The following SYNPO variants were observed in gnomAD, a reference collection of about 807,000 sequenced individuals.
SYNPO encodes synaptopodin.
A neutral mutation model predicts 49.5 loss-of-function variants in SYNPO; 19 were observed. That is an observed-to-expected ratio of 0.38 (90% CI 0.27 to 0.56). The LOEUF (loss-of-function observed/expected upper bound fraction) is 0.56, where lower values mean the gene tolerates loss of function less well. SYNPO is among the 20% of genes least tolerant of loss of function. SYNPO has a pLI of 0.68. For missense variants in SYNPO, 1,131 were observed against 1,248.3 expected (o/e 0.91, Z 1.42); for synonymous variants, 536 against 548.0 (o/e 0.98, Z 0.31).
chr5:150,592,971 C>T, the SYNPO span, among the ~76,000 whole-genome samples: 1 of 152,210 alleles, frequency 6.6e-6, no homozygotes, highest in African/African-American at 2.4e-5. Flanking sequence ...GAAGCTCTTC[C>T]TTAGGCTGAA....
chr5:150,647,207 C>A (rs191802001), intron 1 of SYNPO, among the ~76,000 whole-genome samples: 1 of 150,606 alleles, frequency 6.6e-6, no homozygotes, highest in East Asian at 1.9e-4. Flanking sequence ...TGCGCCGCTG[C>A]GCTCTAGCCT....
intron 2 of SYNPO, among the ~76,000 whole-genome samples, chr5:150,626,985 C>T (rs1407026011): frequency 2.0e-5 from 3 of 152,200 alleles, no homozygotes; most frequent in Non-Finnish European, 4.4e-5. Flanking sequence ...TTCCTGAGCC[C>T]ACGTCACAGC....
intron 2 of SYNPO, among the ~76,000 whole-genome samples, chr5:150,627,240 G>C (rs1440897283): frequency 6.6e-6 from 1 of 152,232 alleles, no homozygotes; most frequent in Non-Finnish European, 1.5e-5. Context: ...GTACAGGGGG[G>C]TGCTACTGGT....
At chr5:150,642,366 G>A (rs1006186711) in intron 1 of SYNPO, among the ~76,000 whole-genome samples, 2 of 152,200 alleles carry the variant, frequency 1.3e-5, no homozygotes, top group Non-Finnish European at 2.9e-5. Flanking sequence ...GTCCAGGGTG[G>A]GTCTTTAAAG....
Position 150,650,217 on chromosome 5 carries a change from G to C in SYNPO, c.1942G>C (p.Val648Leu), listed in dbSNP as rs758659255. 4.3e-6 allele frequency: 7 copies of C among 1,613,694 alleles called. No homozygotes were observed. The highest frequency in any genetic ancestry group is 4.2e-6 in the Non-Finnish European group (5 of 1,179,982). The change falls in exon 2 of 3, where the codon GTG becomes CTG. Residue 648 changes from valine to leucine, a missense_variant. Around this residue, in one of 4 missense-constraint regions of SYNPO, gnomAD observed 509 missense variants for 484.5 expected, o/e 1.05. Transcript: ENST00000307662. ...SPPYGGDISP[V>L]SPSRAWSPRA... ...TCCTTACGGCGGTGACATCTCCCCC[G>C]TGTCTCCCTCCAGGGCGTGGTCTCC... is the stretch of plus-strand genomic sequence containing the variant.
chr5:150,651,004 C>G (rs1033776700), intron 2 of SYNPO: 3 of 1,235,634 alleles, frequency 2.4e-6, no homozygotes, highest in African/African-American at 3.1e-5. Flanking sequence ...CTTCCTGCCC[C>G]CTCTGAGGCC....
chr5:150,602,024 G>A (rs896294228), intron 1 of SYNPO, among the ~76,000 whole-genome samples: 1 of 152,242 alleles, frequency 6.6e-6, no homozygotes, highest in Admixed American at 6.5e-5. Context: ...GTGAGGGACA[G>A]CTTCCTTATG....
chr5:150,650,873 C>T, intron 2 of SYNPO: 1 of 1,259,470 alleles, frequency 7.9e-7, no homozygotes, highest in Non-Finnish European at 1.0e-6. Context: ...CTGCCTCTGC[C>T]TTCTGGACAC....
At chr5:150,624,660 G>A (rs1757288093) in intron 2 of SYNPO, 1 of 190,168 alleles carries the variant, frequency 5.3e-6, no homozygotes, top group Non-Finnish European at 9.7e-6. Context: ...CCGGGGAGCA[G>A]GCAGCAGGAG....
the SYNPO span, among the ~76,000 whole-genome samples, chr5:150,595,267 G>C: frequency 1.3e-5 from 2 of 152,232 alleles, no homozygotes; most frequent in Non-Finnish European, 2.9e-5. Flanking sequence ...GAAGAGGTTG[G>C]AAAAGTTCAA....
upstream of SYNPO, among the ~76,000 whole-genome samples, chr5:150,597,279 G>A (rs142612854): frequency 3.7e-3 from 564 of 152,366 alleles, 2 homozygotes; most frequent in Non-Finnish European, 5.5e-3. Context: ...CTGGGACATA[G>A]TGTGCTGTGC....
intron 1 of SYNPO, among the ~76,000 whole-genome samples, chr5:150,608,750 C>G (rs1756762515): frequency 2.0e-5 from 3 of 152,118 alleles, no homozygotes; most frequent in South Asian, 2.1e-4. Context: ...GTCCTACCCC[C>G]AGAAGCTGTG....
chr5:150,625,376 C>T (rs1197963003), intron 2 of SYNPO, among the ~76,000 whole-genome samples: 2 of 152,142 alleles, frequency 1.3e-5, no homozygotes, highest in Non-Finnish European at 2.9e-5. Context: ...GCAGCGGGAA[C>T]GGCCAGTGCT....
intron 1 of SYNPO, among the ~76,000 whole-genome samples, chr5:150,602,528 C>T (rs1756571540): frequency 6.6e-6 from 1 of 152,122 alleles, no homozygotes; most frequent in South Asian, 2.1e-4. Context: ...GAATAAAAGC[C>T]GGGGATCAGG....
chr5:150,631,062 G>A (rs924597732), intron 2 of SYNPO, among the ~76,000 whole-genome samples: 1 of 152,168 alleles, frequency 6.6e-6, no homozygotes. Context: ...GTACAACTCC[G>A]GGTGAGTGAG....
intron 2 of SYNPO, chr5:150,618,807 C>T: frequency 6.5e-7 from 1 of 1,550,026 alleles, no homozygotes; most frequent in East Asian, 2.4e-5. Flanking sequence ...ACCAGAGTCA[C>T]TGGAGACCCC....
At position 150,656,803 on chromosome 5, in the gene SYNPO, C is replaced by G. The variant is rs779532598; in HGVS notation, c.2428C>G (p.Pro810Ala). 9 of 1,463,756 alleles carry G rather than the reference C, an allele frequency of 6.1e-6. No homozygotes were observed. Among genetic ancestry groups the G allele is most frequent in the Non-Finnish European group, 8.1e-6 (9 of 1,111,792 alleles). 90.7% of individuals were successfully genotyped at this position (1,463,756 alleles called of 1,614,324 possible). A position where few individuals can be genotyped will look rare whatever the true frequency, so the allele number is the denominator to read the frequency against. Residue 810 changes from proline (P) to alanine (A), a missense_variant, in exon 3 of 3, where the codon CCC becomes GCC. Pro to Ala is a conservative substitution (Grantham distance 27, BLOSUM62 -1). Around this residue, in one of 4 missense-constraint regions of SYNPO, gnomAD observed 509 missense variants for 484.5 expected, o/e 1.05. Transcript: ENST00000307662. Reference protein sequence around the residue: ...PRMRSPQPARPGSAAVPGAAF... With the variant: ...PRMRSPQPARAGSAAVPGAAF... Reference sequence around the variant, plus strand: ...CATGCGCTCGCCACAGCCCGCCCGCCCCGGCTCGGCTGCTGTGCCGGGGGC... The same window carrying G: ...CATGCGCTCGCCACAGCCCGCCCGCGCCGGCTCGGCTGCTGTGCCGGGGGC...
rs34838671 is a variant in SYNPO at position 150,649,584 on chromosome 5, C to T, written c.1309C>T (p.Arg437Cys). 1,328 of 1,610,154 alleles carry T rather than the reference C, an allele frequency of 8.2e-4. 1 individual carries two copies. The highest frequency in any genetic ancestry group is 1.0e-3 in the Non-Finnish European group (1,221 of 1,178,672). Residue 437 changes from arginine to cysteine, a missense_variant, in exon 2 of 3, where the codon CGT becomes TGT. Coordinates refer to ENST00000307662, the MANE Select transcript of SYNPO (RefSeq NM_007286.6). Reference protein sequence around the residue: ...ASNFQQEPAPRDRASPAAAEE... With the variant: ...ASNFQQEPAPCDRASPAAAEE... ...CAACTTCCAGCAGGAGCCAGCACCT[C>T]GTGACAGGGCCAGCCCCGCGGCGGC...
intron 2 of SYNPO, among the ~76,000 whole-genome samples, chr5:150,624,438 G>T (rs552449812): frequency 6.6e-6 from 1 of 152,314 alleles, no homozygotes; most frequent in African/African-American, 2.4e-5. Context: ...CCTAGCCGAA[G>T]GAGATAGGAG....
Sources: gnomAD v4.1 joint callset for allele counts (sites outside exome capture counted in the v4.1 genomes callset) on GRCh38, gnomAD v4.1.1 for gene constraint, gnomAD v4.1.1 regional missense constraint, MANE v1.5 for transcripts, NCBI Gene and HGNC (gene_info 2026-07-23, HGNC 2026-07-21) for gene names.